The following NFE2 variants were observed in gnomAD, a reference collection of about 807,000 sequenced individuals.
NFE2 encodes the protein transcription factor NF-E2 45 kDa subunit.
Under a neutral mutation model 25.8 loss-of-function variants are expected in NFE2, and 13 were observed. The observed-to-expected ratio is 0.50, with a 90% CI of 0.33 to 0.80. The LOEUF (loss-of-function observed/expected upper bound fraction) is 0.80, where lower values mean the gene tolerates loss of function less well. Among genes scored for constraint, NFE2 ranks in the 30% least tolerant of loss-of-function variants. The probability of loss-of-function intolerance (pLI) is 0.02; values close to 1 mark genes in which losing one functional copy is unlikely to be tolerated. For synonymous variants in NFE2, 204 were observed against 200.2 expected (o/e 1.02, Z -0.16); for missense variants, 382 against 478.9 (o/e 0.80, Z 1.89).
At chr12:54,300,523 C>T (rs932896249) in intron 1 of NFE2, among the ~76,000 whole-genome samples, 1 of 152,162 alleles carries the variant, frequency 6.6e-6, no homozygotes, top group Non-Finnish European at 1.5e-5. Context: ...TACTCCCCAG[C>T]CCCTCAGCGG....
In NFE2 at chr12:54,292,584, T is replaced by C; in HGVS notation, c.912A>G (p.Glu304=). The change falls in exon 3 of 3, where the codon GAA becomes GAG. Residue 304 remains glutamate (E), a synonymous_variant. Transcript: ENST00000435572. ...CGCGGGCCCTGAGAAGCCGCTCCCG[T>C]TCATTGGTCAGCCGCTCCAGCTCCC... ...LERELERLTN[E]RERLLRARGE... 6.2e-7 allele frequency: 1 copy of C among 1,614,080 alleles called. No homozygotes were observed. Among genetic ancestry groups the C allele is most frequent in the Non-Finnish European group, 8.5e-7 (1 of 1,180,012 alleles).
At position 54,293,210 on chromosome 12, in the gene NFE2, G is replaced by C. The variant is rs201755167; in HGVS notation, c.286C>G (p.Pro96Ala). 6.2e-7 allele frequency: 1 copy of C among 1,602,362 alleles called. No individual in the cohort carries two copies. Among genetic ancestry groups the C allele is most frequent in the African/African-American group, 1.3e-5 (1 of 74,800 alleles). ...ATGGCCATGTTGCCATAGGAGTATG[G>C]GGGATCTGGGACATGGGATGTGGAT... The part of the protein sequence containing the change: ...PASTSHVPDP[P>A]YSYGNMAIPV... The change falls in exon 3 of 3, where the codon CCA (proline) becomes GCA (alanine). Residue 96 changes from proline (P) to alanine (A), a missense_variant. Pro to Ala is a conservative substitution (Grantham distance 27, BLOSUM62 -1). Transcript: ENST00000435572.
rs1944323352 is a variant in NFE2, at chr12:54,292,284, C to T, written c.*90G>A. 1 of 1,390,252 alleles carries T rather than the reference C, an allele frequency of 7.2e-7. No homozygotes were observed. The allele number at this position is 1,390,252 out of a possible 1,614,324, so 86.1% of individuals were successfully genotyped here. A position where few individuals can be genotyped will look rare whatever the true frequency, so the allele number is the denominator to read the frequency against. ...TCATCCTCTTCTGGTCTAGAGAACT[C>T]AGCTCCTTCTGGGACTCAGGGTTGG... On this transcript the variant is annotated 3_prime_UTR_variant, in exon 3 of 3. Coordinates refer to ENST00000435572, the MANE Select transcript of NFE2 (RefSeq NM_001136023.3).
chr12:54,296,623 G>A (rs957457880), intron 1 of NFE2, among the ~76,000 whole-genome samples: 3 of 152,126 alleles, frequency 2.0e-5, no homozygotes, highest in African/African-American at 7.2e-5. Flanking sequence ...TCTGTGGAGT[G>A]TCAGTCTCTC....
At chr12:54,294,577 G>A (rs1299927502) in intron 2 of NFE2, among the ~76,000 whole-genome samples, 1 of 152,154 alleles carries the variant, frequency 6.6e-6, no homozygotes, top group Non-Finnish European at 1.5e-5. Flanking sequence ...TAGAGAACAT[G>A]CTAGAAACAA....
Position 54,293,120 on chromosome 12 carries a change from G to C in NFE2, c.376C>G (p.Leu126Val). The change falls in exon 3 of 3, where the codon CTC (leucine) becomes GTC (valine). Residue 126 changes from leucine to valine, a missense_variant. Leu to Val is a conservative substitution (Grantham distance 32). Transcript: ENST00000435572. Reference sequence around the variant, plus strand: ...CCTGCTGGCAGCCCAATGTCCAGGAGGGCTAAGGGGTCTTGGAGCGGCTCA... The same window carrying C: ...CCTGCTGGCAGCCCAATGTCCAGGACGGCTAAGGGGTCTTGGAGCGGCTCA... ...LSEPLQDPLALLDIGLPAGPP... is the reference protein window; with the variant it reads ...LSEPLQDPLAVLDIGLPAGPP... 6.5e-7 allele frequency: 1 copy of C among 1,526,760 alleles called. No individual in the cohort carries two copies. The highest frequency in any genetic ancestry group is 8.8e-7 in the Non-Finnish European group (1 of 1,138,360). 94.6% of individuals were successfully genotyped at this position (1,526,760 alleles called of 1,614,324 possible). A position where few individuals can be genotyped will look rare whatever the true frequency, so the allele number is the denominator to read the frequency against.
chr12:54,294,020 C>A (rs953185148), intron 2 of NFE2, among the ~76,000 whole-genome samples: 1 of 152,122 alleles, frequency 6.6e-6, no homozygotes, highest in Non-Finnish European at 1.5e-5. Flanking sequence ...GTAATCCCAG[C>A]ACTTTGGGAG....
At chr12:54,296,588 TG>T (rs1944374808) in intron 1 of NFE2, among the ~76,000 whole-genome samples, 1 of 152,156 alleles carries the variant, frequency 6.6e-6, no homozygotes, top group Non-Finnish European at 1.5e-5. Flanking sequence ...AAACCTCTAC[TG>T]GAAGTCTACA....
At chr12:54,297,155 G>C (rs940933662) in intron 1 of NFE2, among the ~76,000 whole-genome samples, 5 of 151,926 alleles carry the variant, frequency 3.3e-5, no homozygotes, top group Non-Finnish European at 5.9e-5. Flanking sequence ...AGGAGTTTGA[G>C]ATCAGCCTGA....
At chr12:54,296,979 G>C (rs1392315671) in intron 1 of NFE2, among the ~76,000 whole-genome samples, 2 of 152,054 alleles carry the variant, frequency 1.3e-5, no homozygotes, top group African/African-American at 4.8e-5. Context: ...GAGATTCCAA[G>C]TAGATTTGGC....
At chr12:54,298,047 A>G (rs1944389487) in intron 1 of NFE2, among the ~76,000 whole-genome samples, 1 of 152,114 alleles carries the variant, frequency 6.6e-6, no homozygotes, top group Non-Finnish European at 1.5e-5. Context: ...GGCAAAGTGA[A>G]TGGAGAAGGG....
intron 1 of NFE2, 81 bp downstream of exon 1, chr12:54,300,720 C>T (rs1297463363): frequency 6.6e-6 from 1 of 152,158 alleles, no homozygotes; most frequent in Non-Finnish European, 1.5e-5. Context: ...ATTTTCCCCC[C>T]TCACCTCCTT....
chr12:54,297,376 A>G (rs1006360007), intron 1 of NFE2, among the ~76,000 whole-genome samples: 1 of 150,174 alleles, frequency 6.7e-6, no homozygotes, highest in Non-Finnish European at 1.5e-5. Flanking sequence ...AAAAAAAAAA[A>G]AAAACGGCCA....
chr12:54,296,758 A>G (rs959315527), intron 1 of NFE2, among the ~76,000 whole-genome samples: 1 of 152,024 alleles, frequency 6.6e-6, no homozygotes, highest in Admixed American at 6.6e-5. Context: ...TGGGCAAGCC[A>G]TCTCACTTCT....
chr12:54,295,274 G>T lies in NFE2; in HGVS notation c.-26C>A. 1 of 1,597,496 alleles carries T rather than the reference G, an allele frequency of 6.3e-7. No individual in the cohort carries two copies. The highest frequency in any genetic ancestry group is 8.6e-7 in the Non-Finnish European group (1 of 1,165,156). ...CCTACTGGGCCAGAGTCTGGTCCAG[G>T]TTCCCGGAAAGCCCAGATGGCTCTA... is the stretch of plus-strand genomic sequence containing the variant. On this transcript the variant is annotated 5_prime_UTR_variant, in exon 2 of 3. Transcript: ENST00000435572.
At position 54,295,418 on chromosome 12, in the gene NFE2, C is replaced by T. The variant is rs1944363792; in HGVS notation, c.-56-114G>A. ...CCCTGAGGGAAGGAGAGACCGCCTC[C>T]TCCCCATCCTCACTCATGCTGGATT... is the stretch of plus-strand genomic sequence containing the variant. On this transcript the variant is annotated intron_variant, in intron 1 of 2. Transcript: ENST00000435572. The T allele has an allele frequency of 1.2e-5, 7 of 581,106 alleles. No homozygotes were observed. In the Admixed American group the frequency reaches 2.1e-4, roughly 17 times the overall value. The allele number at this position is 581,106 out of a possible 1,614,324, so 36.0% of individuals were successfully genotyped here.
chr12:54,292,665 C>T lies in NFE2; in HGVS notation c.831G>A (p.Lys277=), dbSNP rs753219078. 6 of 1,614,214 alleles carry T rather than the reference C, an allele frequency of 3.7e-6. No homozygotes were observed. The highest frequency in any genetic ancestry group is 4.2e-6 in the Non-Finnish European group (5 of 1,180,038). Reference sequence around the variant, plus strand: ...TCTTGCGGCAGTTCTGGGCTGCCACCTTGTTTTTGCCCCGTCGTCGGATGT... The same window carrying T: ...TCTTGCGGCAGTTCTGGGCTGCCACTTTGTTTTTGCCCCGTCGTCGGATGT... ...VRDIRRRGKN[K]VAAQNCRKRK... The change falls in exon 3 of 3, where the codon AAG becomes AAA. Residue 277 remains lysine (K), a synonymous_variant. Coordinates refer to ENST00000435572, the MANE Select transcript of NFE2 (RefSeq NM_001136023.3).
chr12:54,297,988 A>G (rs1347795677), intron 1 of NFE2: 1 of 152,072 alleles, frequency 6.6e-6, no homozygotes, highest in African/African-American at 2.4e-5. Context: ...CCATTTCAAC[A>G]CCGGAACCCC....
chr12:54,296,606 A>C (rs1316089215), intron 1 of NFE2, among the ~76,000 whole-genome samples: 1 of 151,926 alleles, frequency 6.6e-6, no homozygotes, highest in African/African-American at 2.4e-5. Context: ...TACATTCATC[A>C]GTTCTTTCTG....
Sources: allele counts gnomAD v4.1 joint callset (sites outside exome capture counted in the v4.1 genomes callset), GRCh38; gene constraint gnomAD v4.1.1; transcripts MANE v1.5; gene names NCBI Gene and HGNC (gene_info 2026-07-23, HGNC 2026-07-21).